The following CAMTA1 variants were observed in gnomAD, a reference collection of about 807,000 sequenced individuals.
The protein encoded by CAMTA1 is calmodulin binding transcription activator 1.
In CAMTA1, 27 loss-of-function variants were observed where a neutral mutation model predicts 170.9. That is an observed-to-expected ratio of 0.16 (90% CI 0.12 to 0.22). The LOEUF (loss-of-function observed/expected upper bound fraction) is 0.22, where lower values mean the gene tolerates loss of function less well. Ranked by LOEUF, CAMTA1 falls within the 10% of genes least tolerant of loss-of-function variation. The pLI is 1.00. For missense variants in CAMTA1, 1,619 were observed against 2,217.2 expected, an observed-to-expected ratio of 0.73 and a Z score of 5.42; for synonymous variants, 833 against 891.5, an observed-to-expected ratio of 0.93 and a Z score of 1.17.
At chr1:7,579,801 C>T (rs2095243098) in intron 6 of CAMTA1, among the ~76,000 whole-genome samples, 5 of 152,144 alleles carry the variant, frequency 3.3e-5, no homozygotes, top group Admixed American at 3.3e-4. Context: ...CTCAAGCAAT[C>T]CACCAGCCTC....
At chr1:7,327,509 A>G (rs928361405) in intron 5 of CAMTA1, among the ~76,000 whole-genome samples, 1 of 152,168 alleles carries the variant, frequency 6.6e-6, no homozygotes, top group Non-Finnish European at 1.5e-5. Flanking sequence ...AAGCAAAGGA[A>G]TAAGGTGGTA....
chr1:7,230,771 C>T (rs1219702703), intron 4 of CAMTA1, among the ~76,000 whole-genome samples: 1 of 152,132 alleles, frequency 6.6e-6, no homozygotes, highest in Non-Finnish European at 1.5e-5. Flanking sequence ...TGGACCCAGC[C>T]CCAGCCCCCG....
In CAMTA1 at chr1:7,208,287, CATTT is replaced by C. The variant is rs148295335; in HGVS notation, c.303-41203_303-41200del. On this transcript the variant is annotated intron_variant, in intron 4 of 22. Coordinates refer to ENST00000303635, the MANE Select transcript of CAMTA1 (RefSeq NM_015215.4). ...TTGGTTTGTTCATTGTGCATTCATT[CATTT>C]GTTTGTTCATTTGGTAAACACATAC... Among the ~76,000 whole-genome samples the C allele has an allele frequency of 8.0e-3, 1,214 of 152,344 alleles. 14 individuals are homozygous for C. The highest frequency in any genetic ancestry group is 0.028 in the African/African-American group (1,157 of 41,590).
chr1:7,743,559 G>A (rs541724157), intron 16 of CAMTA1, among the ~76,000 whole-genome samples: 1 of 152,210 alleles, frequency 6.6e-6, no homozygotes, highest in Admixed American at 6.5e-5. Context: ...TTTCATGTAA[G>A]TGGAATCATG....
intron 5 of CAMTA1, among the ~76,000 whole-genome samples, chr1:7,381,844 A>G (rs1250946966): frequency 2.7e-5 from 4 of 150,880 alleles, no homozygotes; most frequent in African/African-American, 9.8e-5. Context: ...AATGATCGCC[A>G]TTCTAACTGG....
Position 7,403,311 on chromosome 1 carries a change from T to C in CAMTA1, c.439-64519T>C, listed in dbSNP as rs980784475. ...GGAGGTTGAACCAGGATCGTACCAC[T>C]GCACTCCAGCCTGGGCAACAAGAAT... On this transcript the variant is annotated intron_variant, in intron 5 of 22. Coordinates refer to ENST00000303635, the MANE Select transcript of CAMTA1 (RefSeq NM_015215.4). Among the ~76,000 whole-genome samples, 3 of 152,014 alleles carry C rather than the reference T, an allele frequency of 2.0e-5. No individual in the cohort carries two copies. The South Asian group carries it at 6.2e-4, about 32-fold the overall frequency.
intron 3 of CAMTA1, among the ~76,000 whole-genome samples, chr1:6,999,325 T>G (rs1189055706): frequency 6.6e-6 from 1 of 152,190 alleles, no homozygotes. Context: ...GGCTCATGGT[T>G]TGGCAGGCTG....
chr1:7,479,599 T>C (rs920420087), intron 6 of CAMTA1, among the ~76,000 whole-genome samples: 1 of 152,220 alleles, frequency 6.6e-6, no homozygotes, highest in Middle Eastern at 3.2e-3. Context: ...CCAGGCCTCA[T>C]TGGGCTGTCA....
intron 6 of CAMTA1, among the ~76,000 whole-genome samples, chr1:7,525,854 C>G (rs2094425651): frequency 6.6e-6 from 1 of 152,036 alleles, no homozygotes; most frequent in African/African-American, 2.4e-5. Flanking sequence ...GGCAGCTGCT[C>G]ACGGTCTGAA....
intron 11 of CAMTA1, among the ~76,000 whole-genome samples, chr1:7,708,342 A>G (rs549893487): frequency 4.1e-5 from 6 of 147,786 alleles, no homozygotes; most frequent in Admixed American, 4.0e-4. Context: ...ACAAAACAAA[A>G]CAAAGAATAG....
intron 3 of CAMTA1, among the ~76,000 whole-genome samples, chr1:6,959,894 AG>A (rs1415342872): frequency 3.9e-5 from 6 of 152,150 alleles, no homozygotes; most frequent in African/African-American, 1.4e-4. Flanking sequence ...AGAGAGACCC[AG>A]GGTGGGAGAG....
intron 10 of CAMTA1, among the ~76,000 whole-genome samples, chr1:7,676,493 T>C (rs2096122292): frequency 6.6e-6 from 1 of 152,246 alleles, no homozygotes; most frequent in Non-Finnish European, 1.5e-5. Context: ...GACTGGGATC[T>C]GCATCAGAGT....
intron 6 of CAMTA1, among the ~76,000 whole-genome samples, chr1:7,469,442 A>G (rs536683758): frequency 1.3e-5 from 2 of 152,336 alleles, no homozygotes; most frequent in South Asian, 2.1e-4. Flanking sequence ...TTGAGTCCCC[A>G]GGGACAAACT....
intron 1 of CAMTA1, among the ~76,000 whole-genome samples, chr1:6,795,198 T>A (rs985372968): frequency 2.0e-5 from 3 of 152,202 alleles, no homozygotes; most frequent in Non-Finnish European, 4.4e-5. Context: ...TATCTTACTT[T>A]TTTTTAGAGA....
chr1:7,224,823 C>T lies in CAMTA1; in HGVS notation c.303-24668C>T, dbSNP rs766858830. On this transcript the variant is annotated intron_variant, in intron 4 of 22. Transcript: ENST00000303635. This position sits in a 1 kb window ranked among gnomAD's most constrained non-coding sequence, Gnocchi z 5.2. ...GCTGCTCCATGTCGTCTGGATGGTC[C>T]GTTGGCACCCTGCCCACCGCACTTC... Among the ~76,000 whole-genome samples the T allele has an allele frequency of 3.3e-4, 50 of 152,230 alleles. No individual in the cohort carries two copies. The highest frequency in any genetic ancestry group is 6.8e-3 in the Middle Eastern group (2 of 294).
intron 6 of CAMTA1, among the ~76,000 whole-genome samples, chr1:7,624,002 AC>A (rs2150791535): frequency 6.6e-6 from 1 of 152,332 alleles, no homozygotes; most frequent in South Asian, 2.1e-4. Flanking sequence ...AAATTTAAAC[AC>A]AGTTTTTGAA....
intron 3 of CAMTA1, among the ~76,000 whole-genome samples, chr1:7,039,801 T>C (rs938075031): frequency 9.9e-5 from 15 of 152,126 alleles, no homozygotes; most frequent in African/African-American, 3.4e-4. Context: ...GGGTAACCTA[T>C]AGGGGAGTGG....
intron 3 of CAMTA1, among the ~76,000 whole-genome samples, chr1:6,926,436 TTC>T (rs749607908): frequency 2.2e-4 from 24 of 109,294 alleles, no homozygotes; most frequent in Admixed American, 7.1e-4. Context: ...TTTCTTTCTT[TTC>T]TCTTTCTTTC....
chr1:6,789,960 C>T (rs369079206), intron 1 of CAMTA1, among the ~76,000 whole-genome samples: 3 of 152,046 alleles, frequency 2.0e-5, no homozygotes, highest in East Asian at 3.9e-4. Flanking sequence ...CAGGCGTGCA[C>T]CACCATGTCC....
Sources: gnomAD v4.1 joint callset for allele counts (sites outside exome capture counted in the v4.1 genomes callset) on GRCh38, gnomAD v4.1.1 for gene constraint, Gnocchi (gnomAD v3.1) non-coding constraint, MANE v1.5 for transcripts, NCBI Gene and HGNC (gene_info 2026-07-23, HGNC 2026-07-21) for gene names.